The following LRRTM3 variants were observed in gnomAD, a reference collection of about 807,000 sequenced individuals.
The protein encoded by LRRTM3 is leucine rich repeat transmembrane neuronal 3.
A neutral mutation model predicts 44.7 loss-of-function variants in LRRTM3; 24 were observed. That is an observed-to-expected ratio of 0.54 (90% CI 0.39 to 0.76). The LOEUF (loss-of-function observed/expected upper bound fraction) is 0.76, where lower values mean the gene tolerates loss of function less well. Ranked by LOEUF, LRRTM3 falls within the 30% of genes least tolerant of loss-of-function variation. LRRTM3 has a pLI of 0.00. For synonymous variants in LRRTM3, 277 were observed against 278.7 expected (o/e 0.99, Z 0.06); for missense variants, 587 against 702.2 (o/e 0.84, Z 1.85).
At chr10:67,013,963 G>T (rs1852493974) in intron 2 of LRRTM3, among the ~76,000 whole-genome samples, 1 of 152,038 alleles carries the variant, frequency 6.6e-6, no homozygotes, top group African/African-American at 2.4e-5. Flanking sequence ...CTAAATCAGG[G>T]TTTCCCAGGA....
At chr10:66,963,532 G>C (rs1849236659) in intron 2 of LRRTM3, among the ~76,000 whole-genome samples, 1 of 152,140 alleles carries the variant, frequency 6.6e-6, no homozygotes, top group African/African-American at 2.4e-5. Flanking sequence ...TATAAGAACA[G>C]GATTGGAAAG....
chr10:66,944,815 C>T (rs920248368), intron 2 of LRRTM3, among the ~76,000 whole-genome samples: 1 of 152,164 alleles, frequency 6.6e-6, no homozygotes, highest in Non-Finnish European at 1.5e-5. Flanking sequence ...CAACATTAAT[C>T]TCCATGTATA....
At chr10:66,957,503 T>C (rs1231770692) in intron 2 of LRRTM3, among the ~76,000 whole-genome samples, 1 of 149,644 alleles carries the variant, frequency 6.7e-6, no homozygotes, top group East Asian at 2.0e-4. Context: ...AAAGTTTTCT[T>C]GTACTCTTGG....
At chr10:67,041,914 C>A (rs991487045) in intron 2 of LRRTM3, among the ~76,000 whole-genome samples, 7 of 152,012 alleles carry the variant, frequency 4.6e-5, no homozygotes, top group Non-Finnish European at 8.8e-5. Context: ...TTCATAAAAG[C>A]AATTGTACTG....
At chr10:67,082,803 C>A (rs1054967892) in intron 2 of LRRTM3, among the ~76,000 whole-genome samples, 2 of 152,126 alleles carry the variant, frequency 1.3e-5, no homozygotes, top group African/African-American at 4.8e-5. Flanking sequence ...AGATATCAGT[C>A]ATGAAACTGA....
intron 2 of LRRTM3, among the ~76,000 whole-genome samples, chr10:67,026,217 C>A (rs923854936): frequency 2.0e-5 from 3 of 151,388 alleles, no homozygotes; most frequent in Admixed American, 6.6e-5. Flanking sequence ...ATGTAACTAA[C>A]TTGCACATTG....
chr10:67,009,920 G>T (rs1281470530), intron 2 of LRRTM3, among the ~76,000 whole-genome samples: 2 of 151,936 alleles, frequency 1.3e-5, no homozygotes, highest in Admixed American at 1.3e-4. Context: ...TTCATCTCTG[G>T]CATTCTCTGG....
At chr10:66,977,349 T>C (rs143386717) in intron 2 of LRRTM3, among the ~76,000 whole-genome samples, 2 of 151,966 alleles carry the variant, frequency 1.3e-5, no homozygotes, top group African/African-American at 4.8e-5. Context: ...GGCAGGAGGA[T>C]TGCTTGAACC....
chr10:66,995,278 CCT>C (rs1315666210), intron 2 of LRRTM3, among the ~76,000 whole-genome samples: 1 of 152,130 alleles, frequency 6.6e-6, no homozygotes, highest in Non-Finnish European at 1.5e-5. Context: ...GACACTTTTT[CCT>C]CTCTGTTACT....
intron 2 of LRRTM3, among the ~76,000 whole-genome samples, chr10:66,949,290 C>T (rs1848420363): frequency 6.6e-6 from 1 of 152,170 alleles, no homozygotes; most frequent in Non-Finnish European, 1.5e-5. Context: ...GTGCTGTGGG[C>T]TCATGCCTGT....
chr10:67,090,398 G>A (rs1857561265), intron 2 of LRRTM3, among the ~76,000 whole-genome samples: 1 of 152,012 alleles, frequency 6.6e-6, no homozygotes, highest in Non-Finnish European at 1.5e-5. Context: ...TCACACTAAT[G>A]GAAATAAGAG....
intron 2 of LRRTM3, among the ~76,000 whole-genome samples, chr10:67,075,766 T>C (rs1856716981): frequency 6.6e-6 from 1 of 152,192 alleles, no homozygotes; most frequent in Non-Finnish European, 1.5e-5. Context: ...CCTTGGCAAA[T>C]GAGGCTAAAA....
chr10:67,078,759 G>T (rs2131871370), intron 2 of LRRTM3, among the ~76,000 whole-genome samples: 2 of 152,136 alleles, frequency 1.3e-5, no homozygotes, highest in East Asian at 3.9e-4. Flanking sequence ...CTTGTGATCT[G>T]CCCACCTCGG....
chr10:66,962,235 T>C lies in LRRTM3; in HGVS notation c.1536+33783T>C, dbSNP rs546775502. The stretch of plus-strand genomic sequence containing the variant: ...TGCCTCAAGGCCTAACAGAATTTCA[T>C]ACAATATACATTTTCTCACTGACCT... On this transcript the variant is annotated intron_variant, in intron 2 of 2. Transcript: ENST00000361320. Among the ~76,000 whole-genome samples, 8 of 152,194 alleles carry C rather than the reference T, an allele frequency of 5.3e-5. No individual in the cohort carries two copies. The South Asian group carries it at 1.7e-3, about 32-fold the overall frequency.
At chr10:67,060,956 T>A (rs944665947) in intron 2 of LRRTM3, among the ~76,000 whole-genome samples, 2 of 152,134 alleles carry the variant, frequency 1.3e-5, no homozygotes, top group African/African-American at 4.8e-5. Context: ...GCTGTGTGAA[T>A]GAAGAAAAAG....
At position 67,083,388 on chromosome 10, in the gene LRRTM3, T is replaced by G. The variant is rs576377185; in HGVS notation, c.1537-14199T>G. ...TTCTTGGGGCTACCATCTAGGAAAT[T>G]TGTCTCAGTGCAAAAAAAAAAAGTA... On this transcript the variant is annotated intron_variant, in intron 2 of 2. Transcript: ENST00000361320. Among the ~76,000 whole-genome samples, 48 of 152,036 alleles carry G rather than the reference T, an allele frequency of 3.2e-4. No individual in the cohort carries two copies. In the South Asian group the frequency reaches 8.7e-3, roughly 28 times the overall value.
chr10:66,932,191 T>A (rs528928544), intron 2 of LRRTM3, among the ~76,000 whole-genome samples: 19 of 152,314 alleles, frequency 1.2e-4, no homozygotes, highest in African/African-American at 4.3e-4. Context: ...TGATGATTCA[T>A]GGATAATGAA....
chr10:67,097,886 C>G lies in LRRTM3; in HGVS notation c.*90C>G. 1 of 1,097,020 alleles carries G rather than the reference C, an allele frequency of 9.1e-7. No individual in the cohort carries two copies. Among genetic ancestry groups the G allele is most frequent in the Non-Finnish European group, 1.3e-6 (1 of 744,498 alleles). 68.0% of individuals were successfully genotyped at this position (1,097,020 alleles called of 1,614,324 possible). A position where few individuals can be genotyped will look rare whatever the true frequency, so the allele number is the denominator to read the frequency against. On this transcript the variant is annotated 3_prime_UTR_variant, in exon 3 of 3. Coordinates refer to ENST00000361320, the MANE Select transcript of LRRTM3 (RefSeq NM_178011.5). ...ATGTGTTCATTGTGGACTCTAAAAA[C>G]AAAACAAAACACAAAATCCCCTGTT...
At chr10:66,930,884 T>C (rs1356593198) in intron 2 of LRRTM3, among the ~76,000 whole-genome samples, 1 of 152,094 alleles carries the variant, frequency 6.6e-6, no homozygotes, top group Admixed American at 6.6e-5. Context: ...GGGAAAAAAG[T>C]TCTTTCTTTC....
Sources: gnomAD v4.1 joint callset for allele counts (sites outside exome capture counted in the v4.1 genomes callset) on GRCh38, gnomAD v4.1.1 for gene constraint, MANE v1.5 for transcripts, NCBI Gene and HGNC (gene_info 2026-07-23, HGNC 2026-07-21) for gene names.